Variants in KLRD1 observed in about 807,000 individuals in gnomAD.
KLRD1 encodes natural killer cells antigen CD94.
KLRD1 carries 21 observed loss-of-function variants against 22.6 expected under a neutral mutation model. The ratio of observed to expected loss-of-function variants is 0.93; its 90% confidence interval spans 0.66 to 1.34. The LOEUF (loss-of-function observed/expected upper bound fraction) is 1.34. Ranked by LOEUF, KLRD1 falls within the 40% of genes most tolerant of loss-of-function variation. The probability of loss-of-function intolerance (pLI) is 0.00; values close to 1 mark genes in which losing one functional copy is unlikely to be tolerated. For missense variants in KLRD1, 183 were observed against 208.6 expected (o/e 0.88, Z 0.76); for synonymous variants, 59 against 71.1 (o/e 0.83, Z 0.85).
chr12:10,323,507 A>T lies in KLRD1; in HGVS notation c.*8714A>T, dbSNP rs1237988178. 6.6e-6 allele frequency: 1 copy of T among 151,844 alleles called. No homozygotes were observed. Among genetic ancestry groups the T allele is most frequent in the Non-Finnish European group, 1.5e-5 (1 of 67,972 alleles). 9.4% of individuals were successfully genotyped at this position (151,844 alleles called of 1,614,324 possible). On this transcript the variant is annotated 3_prime_UTR_variant, in exon 6 of 6. Coordinates refer to ENST00000336164, the MANE Select transcript of KLRD1 (RefSeq NM_002262.5). ...CTTTTAGCCATTATTTATTTTTAAC[A>T]GCGCTGTTGCAGTATAATTGAGATA...
upstream of KLRD1, among the ~76,000 whole-genome samples, chr12:10,301,338 A>G (rs543079582): frequency 2.6e-5 from 4 of 152,150 alleles, no homozygotes; most frequent in Non-Finnish European, 5.9e-5. Flanking sequence ...ATACCAACAA[A>G]ACCACCAATG....
At chr12:10,292,328 C>T (rs1022196838) in intron 1 of KLRD1, among the ~76,000 whole-genome samples, 3 of 152,016 alleles carry the variant, frequency 2.0e-5, no homozygotes, top group African/African-American at 7.3e-5. Context: ...TTTACATTGC[C>T]CAGTTTCATC....
At chr12:10,264,672 T>A (rs1411395384) in intron 1 of KLRD1, among the ~76,000 whole-genome samples, 1 of 104,962 alleles carries the variant, frequency 9.5e-6, no homozygotes, top group Admixed American at 1.1e-4. Context: ...TCGTCTCACA[T>A]AGTTACCTTC....
At chr12:10,310,422 G>A (rs143710153) in intron 3 of KLRD1, among the ~76,000 whole-genome samples, 13 of 152,252 alleles carry the variant, frequency 8.5e-5, no homozygotes, top group Admixed American at 3.9e-4. Context: ...CACTGCGCCC[G>A]GCCTCAATTT....
At chr12:10,239,518 C>CCTTTCTTTCT (rs1949218570) in intron 1 of KLRD1, among the ~76,000 whole-genome samples, 3 of 59,466 alleles carry the variant, frequency 5.0e-5, no homozygotes, top group African/African-American at 1.1e-4. Context: ...CCTTCCCTCC[C>CCTTTCTTTCT]CTTTCTTTCT....
chr12:10,287,005 G>A (rs974228945), intron 1 of KLRD1, among the ~76,000 whole-genome samples: 1 of 151,852 alleles, frequency 6.6e-6, no homozygotes, highest in Non-Finnish European at 1.5e-5. Context: ...GGGCGTGGTG[G>A]TGCGCCTGTA....
chr12:10,279,911 C>G (rs1342835098), intron 1 of KLRD1, among the ~76,000 whole-genome samples: 2 of 152,216 alleles, frequency 1.3e-5, no homozygotes, highest in Non-Finnish European at 2.9e-5. Context: ...GTGGTCACCA[C>G]ATCCAGGCTT....
At chr12:10,246,107 A>C (rs1330397284) in intron 1 of KLRD1, among the ~76,000 whole-genome samples, 1 of 152,220 alleles carries the variant, frequency 6.6e-6, no homozygotes, top group East Asian at 1.9e-4. Flanking sequence ...TAATATCCCT[A>C]GGATTTATGT....
intron 1 of KLRD1, among the ~76,000 whole-genome samples, chr12:10,288,238 G>A (rs554567277): frequency 1.3e-4 from 18 of 138,826 alleles, no homozygotes; most frequent in African/African-American, 4.5e-4. Flanking sequence ...GCGAGACTCC[G>A]TCTCAAAAAA....
intron 1 of KLRD1, among the ~76,000 whole-genome samples, chr12:10,276,695 C>CAAAAAAAAA (rs11318914): frequency 7.5e-6 from 1 of 133,088 alleles, no homozygotes; most frequent in African/African-American, 2.8e-5. Flanking sequence ...TAAAATTTGA[C>CAAAAAAAAA]AAAAAAAAAA....
intron 1 of KLRD1, among the ~76,000 whole-genome samples, chr12:10,254,803 G>A (rs1188111312): frequency 6.6e-6 from 1 of 150,792 alleles, no homozygotes; most frequent in Non-Finnish European, 1.5e-5. Context: ...TGAGGCAGGA[G>A]AATCACTTGA....
At chr12:10,299,204 T>A (rs1949847277) in intron 1 of KLRD1, among the ~76,000 whole-genome samples, 2 of 152,140 alleles carry the variant, frequency 1.3e-5, no homozygotes, top group Admixed American at 1.3e-4. Context: ...TAATTATGTT[T>A]TGTTTTGTTT....
intron 1 of KLRD1, among the ~76,000 whole-genome samples, chr12:10,265,226 A>G (rs1949488533): frequency 6.6e-6 from 1 of 152,174 alleles, no homozygotes; most frequent in Admixed American, 6.5e-5. Context: ...ATTTTATCAT[A>G]TTATATATAG....
chr12:10,250,768 A>C (rs1403434930), intron 1 of KLRD1, among the ~76,000 whole-genome samples: 1 of 152,188 alleles, frequency 6.6e-6, no homozygotes. Context: ...GAGGCAAGTC[A>C]GTACGAAGTG....
At chr12:10,288,058 ACT>A (rs1454219292) in intron 1 of KLRD1, among the ~76,000 whole-genome samples, 2 of 140,370 alleles carry the variant, frequency 1.4e-5, no homozygotes, top group African/African-American at 2.7e-5. Flanking sequence ...ACAGAGCGAG[ACT>A]CTGTCTCAAA....
upstream of KLRD1, among the ~76,000 whole-genome samples, chr12:10,306,195 G>C (rs1197377460): frequency 6.6e-6 from 1 of 151,600 alleles, no homozygotes; most frequent in Non-Finnish European, 1.5e-5. Context: ...AACAAAAAAA[G>C]AACAATCAGA....
At position 10,318,164 on chromosome 12, in the gene KLRD1, G is replaced by C. The variant is rs1950270653; in HGVS notation, c.*3371G>C. 1 of 152,078 alleles carries C rather than the reference G, an allele frequency of 6.6e-6. No individual in the cohort carries two copies. The highest frequency in any genetic ancestry group is 6.6e-5 in the Admixed American group (1 of 15,260). 9.4% of individuals were successfully genotyped at this position (152,078 alleles called of 1,614,324 possible). On this transcript the variant is annotated 3_prime_UTR_variant, in exon 6 of 6. Transcript: ENST00000336164. ...AGTGAGTTATTTTACAGCTGAACTG[G>C]GACAGCTCTTTGCTTATTTCCAGAG... is the stretch of plus-strand genomic sequence containing the variant.
intron 1 of KLRD1, among the ~76,000 whole-genome samples, chr12:10,264,410 A>G (rs1174190644): frequency 6.6e-6 from 1 of 152,192 alleles, no homozygotes; most frequent in Admixed American, 6.5e-5. Context: ...CACTTAAACT[A>G]TGCTAGTGTT....
intron 4 of KLRD1, 140 bp from the exon 5 acceptor site, chr12:10,313,270 T>TA (rs1950140427): frequency 2.1e-6 from 1 of 487,652 alleles, no homozygotes; most frequent in Admixed American, 3.5e-5. Context: ...TTATACCTTT[T>TA]AAATAGGAAG....
Sources: gnomAD v4.1 joint callset for allele counts (sites outside exome capture counted in the v4.1 genomes callset) on GRCh38, gnomAD v4.1.1 for gene constraint, MANE v1.5 for transcripts, NCBI Gene and HGNC (gene_info 2026-07-23, HGNC 2026-07-21) for gene names.